The following ADAR variants were observed in gnomAD, a reference collection of about 807,000 sequenced individuals.
ADAR encodes the protein double-stranded RNA-specific adenosine deaminase.
Under a neutral mutation model 113.2 loss-of-function variants are expected in ADAR, and 41 were observed. The observed-to-expected ratio is 0.36, with a 90% confidence interval of 0.28 to 0.47. The LOEUF (loss-of-function observed/expected upper bound fraction) is 0.47. ADAR is among the 20% of genes least tolerant of loss of function. The pLI is 1.00. For missense variants in ADAR, 1,242 were observed against 1,540.9 expected (o/e 0.81, Z 3.25); for synonymous variants, 605 against 572.6 (o/e 1.06, Z -0.81).
intron 11 of ADAR, among the ~76,000 whole-genome samples, chr1:154,587,908 T>G (rs1485726671): frequency 6.6e-6 from 1 of 152,318 alleles, no homozygotes; most frequent in African/African-American, 2.4e-5. Flanking sequence ...CACCTCCTAT[T>G]TGACTTGGGG....
intron 13 of ADAR, 116 bp from the exon 14 acceptor site, chr1:154,585,460 T>C: frequency 2.0e-6 from 3 of 1,487,944 alleles, no homozygotes; most frequent in Non-Finnish European, 2.8e-6. Flanking sequence ...CTTTCCCCTG[T>C]ATTTAGGGTT....
At chr1:154,607,572 G>A (rs1264587459) in intron 1 of ADAR, among the ~76,000 whole-genome samples, 2 of 152,172 alleles carry the variant, frequency 1.3e-5, no homozygotes, top group African/African-American at 4.8e-5. Flanking sequence ...GGGAGACGAT[G>A]TGTCTGCCTT....
At chr1:154,621,865 G>C (rs1161583717) in intron 1 of ADAR, among the ~76,000 whole-genome samples, 3 of 152,212 alleles carry the variant, frequency 2.0e-5, no homozygotes, top group Non-Finnish European at 4.4e-5. Context: ...TTTGGAGTAA[G>C]AGCGGGGTTA....
At chr1:154,594,206 C>T (rs1697347814) in intron 6 of ADAR, among the ~76,000 whole-genome samples, 1 of 152,168 alleles carries the variant, frequency 6.6e-6, no homozygotes, top group Non-Finnish European at 1.5e-5. Flanking sequence ...TAAGGAGAGA[C>T]AAATTTAAAG....
intron 6 of ADAR, among the ~76,000 whole-genome samples, chr1:154,592,101 T>A (rs541905464): frequency 3.3e-5 from 5 of 152,344 alleles, no homozygotes; most frequent in African/African-American, 1.2e-4. Context: ...TGCTATCCAA[T>A]ATGGTAGCCA....
chr1:154,620,404 T>C (rs1341412656), intron 1 of ADAR, among the ~76,000 whole-genome samples: 1 of 146,104 alleles, frequency 6.8e-6, no homozygotes, highest in Non-Finnish European at 1.5e-5. Flanking sequence ...AGGCTCCGTC[T>C]CAAAAAAAAA....
chr1:154,604,943 C>G (rs1007120943), intron 1 of ADAR, among the ~76,000 whole-genome samples: 5 of 152,220 alleles, frequency 3.3e-5, no homozygotes, highest in Non-Finnish European at 7.3e-5. Flanking sequence ...TGCCATAACT[C>G]AAACAGCACA....
rs1299879276 is a variant in ADAR at position 154,587,245 on chromosome 1, T to C, written c.3019+880A>G. Among the ~76,000 whole-genome samples the C allele has an allele frequency of 2.0e-5, 3 of 152,242 alleles. No homozygotes were observed. In the East Asian group the frequency reaches 5.8e-4, roughly 29 times the overall value. On this transcript the variant is annotated intron_variant, in intron 11 of 14. Transcript: ENST00000368474. ...TTCATATAAATGGAATCATACAATA[T>C]GTGATCTTTTGTGACTGGCTTTTTT...
intron 9 of ADAR, among the ~76,000 whole-genome samples, chr1:154,588,909 T>C (rs991367166): frequency 1.3e-5 from 2 of 152,218 alleles, no homozygotes; most frequent in Non-Finnish European, 2.9e-5. Flanking sequence ...ACAGGGATTC[T>C]AGAGCAGAGC....
intron 6 of ADAR, among the ~76,000 whole-genome samples, chr1:154,595,649 A>G (rs1697443030): frequency 1.3e-5 from 2 of 152,140 alleles, no homozygotes; most frequent in Admixed American, 6.5e-5. Context: ...AAAAGTTAAT[A>G]AAGTAAAAAA....
chr1:154,607,077 T>C (rs1698240445), intron 1 of ADAR, among the ~76,000 whole-genome samples: 1 of 152,116 alleles, frequency 6.6e-6, no homozygotes, highest in African/African-American at 2.4e-5. Context: ...TCTATTTCCC[T>C]AAAAAGCTTT....
At chr1:154,618,083 A>G (rs941674821) in intron 1 of ADAR, among the ~76,000 whole-genome samples, 1 of 150,558 alleles carries the variant, frequency 6.6e-6, no homozygotes, top group African/African-American at 2.4e-5. Flanking sequence ...ATAGTAATAT[A>G]TACATTACTA....
chr1:154,598,353 C>A, intron 3 of ADAR, 49 bp downstream of exon 3: 2 of 1,589,400 alleles, frequency 1.3e-6, no homozygotes, highest in South Asian at 2.2e-5. Context: ...AGTTACAATC[C>A]AGACACTGAC....
intron 3 of ADAR, 121 bp downstream of exon 3, chr1:154,598,281 G>T (rs910783952): frequency 1.4e-5 from 16 of 1,105,454 alleles, no homozygotes; most frequent in Non-Finnish European, 1.4e-5. Flanking sequence ...GTAGAGGGAA[G>T]AGTGGGAAGC....
chr1:154,609,435 T>C (rs1212364465), upstream of ADAR, among the ~76,000 whole-genome samples: 1 of 152,224 alleles, frequency 6.6e-6, no homozygotes, highest in East Asian at 1.9e-4. Context: ...TAGCAGTATC[T>C]CCAGCTGATG....
At chr1:154,588,313 G>A in intron 10 of ADAR, 55 bp from the exon 11 acceptor site, 1 of 1,613,246 alleles carries the variant, frequency 6.2e-7, no homozygotes, top group Non-Finnish European at 8.5e-7. Context: ...GCAATTTCGT[G>A]GGGCTCCAAA....
rs180826761 is a variant in ADAR at position 154,600,771 on chromosome 1, C to T, written c.1601+270G>A. 5 of 535,442 alleles carry T rather than the reference C, an allele frequency of 9.3e-6. No individual in the cohort carries two copies. The East Asian group carries it at 1.7e-4, about 18-fold the overall frequency. 33.2% of individuals were successfully genotyped at this position (535,442 alleles called of 1,614,324 possible). On this transcript the variant is annotated intron_variant, in intron 2 of 14. Transcript: ENST00000368474. ...ACAGGCATGAGCCACCGCGTACGGC[C>T]AAAACCAATCATTTCTAAAGAAGCT...
In ADAR at chr1:154,589,932, T is replaced by C. The variant is rs920319323; in HGVS notation, c.2497-4A>G. 1.2e-6 allele frequency: 2 copies of C among 1,613,652 alleles called. No homozygotes were observed. Among genetic ancestry groups the C allele is most frequent in the African/African-American group, 2.7e-5 (2 of 74,852 alleles). ...AGGTGCTGCCAGTGAGAGGGAGCTG[T>C]GGGGAAAAGAGGCTGTGTCAGCACC... On this transcript the variant is annotated splice_region_variant and splice_polypyrimidine_tract_variant and intron_variant, in intron 7 of 14. Coordinates refer to ENST00000368474, the MANE Select transcript of ADAR (RefSeq NM_001111.5).
At chr1:154,612,562 C>T (rs975352620), upstream of ADAR, among the ~76,000 whole-genome samples, 1 of 151,768 alleles carries the variant, frequency 6.6e-6, no homozygotes, top group Admixed American at 6.6e-5. Context: ...CTCCTGACCT[C>T]GTCATCTGCC....
Sources: allele counts gnomAD v4.1 joint callset (sites outside exome capture counted in the v4.1 genomes callset), GRCh38; gene constraint gnomAD v4.1.1; transcripts MANE v1.5; gene names NCBI Gene and HGNC (gene_info 2026-07-23, HGNC 2026-07-21).